FSHR: variants seen among roughly 807,000 people sequenced by gnomAD.
FSHR encodes the protein follicle stimulating hormone receptor.
In FSHR, 46 loss-of-function variants were observed where a neutral mutation model predicts 52.1. The ratio of observed to expected loss-of-function variants is 0.88; its 90% CI spans 0.70 to 1.13. FSHR has a LOEUF of 1.13. Among genes scored for constraint, FSHR ranks in the 50% most tolerant of loss-of-function variants. The pLI is 0.00. For missense variants in FSHR, 964 were observed against 834.6 expected (o/e 1.16, Z -1.91); for synonymous variants, 399 against 309.6 (o/e 1.29, Z -3.03).
chr2:49,094,670 C>T (rs1454891378), intron 1 of FSHR, among the ~76,000 whole-genome samples: 3 of 151,924 alleles, frequency 2.0e-5, no homozygotes, highest in African/African-American at 4.8e-5. Context: ...TCAGAGAGAG[C>T]AGTGCTTTGA....
chr2:48,967,731 G>A (rs1050773014), intron 9 of FSHR, among the ~76,000 whole-genome samples: 3 of 152,172 alleles, frequency 2.0e-5, no homozygotes, highest in Non-Finnish European at 4.4e-5. Context: ...CTGTTTTGTT[G>A]CTCTTTTTGT....
chr2:49,049,335 A>T (rs555077046), intron 2 of FSHR, among the ~76,000 whole-genome samples: 3 of 152,316 alleles, frequency 2.0e-5, no homozygotes, highest in Admixed American at 1.3e-4. Context: ...GATAGATAAG[A>T]TGACCTCACT....
intron 1 of FSHR, among the ~76,000 whole-genome samples, chr2:49,136,143 A>G (rs918203903): frequency 6.6e-6 from 1 of 152,168 alleles, no homozygotes; most frequent in Admixed American, 6.5e-5. Flanking sequence ...AAGAAAAGAT[A>G]GTAGACTCAA....
At chr2:49,079,173 A>C (rs1490312628) in intron 1 of FSHR, among the ~76,000 whole-genome samples, 1 of 151,996 alleles carries the variant, frequency 6.6e-6, no homozygotes, top group Non-Finnish European at 1.5e-5. Flanking sequence ...TAGTCTAAGA[A>C]AAAAACAGGC....
At position 49,117,833 on chromosome 2, in the gene FSHR, C is replaced by T. The variant is rs77613684; in HGVS notation, c.152+36433G>A. 9.8e-3 allele frequency among the ~76,000 whole-genome samples: 1,490 copies of T among 152,274 alleles called. 28 individuals are homozygous for T. Among genetic ancestry groups the T allele is most frequent in the African/African-American group, 0.034 (1,420 of 41,556 alleles). On this transcript the variant is annotated intron_variant, in intron 1 of 9. Transcript: ENST00000406846. Reference sequence around the variant, plus strand: ...AATTGTTTCACTGAGATCATGTTATCATTTGTATGTACCTCCATAAGCTCG... The same window carrying T: ...AATTGTTTCACTGAGATCATGTTATTATTTGTATGTACCTCCATAAGCTCG...
At chr2:49,060,487 C>T (rs1325685371) in intron 2 of FSHR, among the ~76,000 whole-genome samples, 1 of 152,122 alleles carries the variant, frequency 6.6e-6, no homozygotes, top group South Asian at 2.1e-4. Context: ...GTCACACACC[C>T]CAGTACCTAA....
intron 1 of FSHR, among the ~76,000 whole-genome samples, chr2:49,144,635 T>A (rs1465694160): frequency 6.6e-6 from 1 of 152,180 alleles, no homozygotes; most frequent in Non-Finnish European, 1.5e-5. Flanking sequence ...TCTAATGTCC[T>A]CTCCAATGTA....
chr2:48,996,625 A>T (rs943345852), intron 4 of FSHR, among the ~76,000 whole-genome samples: 2 of 152,098 alleles, frequency 1.3e-5, no homozygotes, highest in African/African-American at 4.8e-5. Context: ...AAGCACAAAT[A>T]TGGGGATAAA....
chr2:49,094,051 TTACTC>T (rs1165489375), intron 1 of FSHR, among the ~76,000 whole-genome samples: 3 of 152,226 alleles, frequency 2.0e-5, no homozygotes, highest in African/African-American at 7.2e-5. Flanking sequence ...TCCTGTTTGT[TTACTC>T]TATATTTCAT....
intron 1 of FSHR, among the ~76,000 whole-genome samples, chr2:49,100,738 T>C (rs1670996520): frequency 6.6e-6 from 1 of 152,228 alleles, no homozygotes; most frequent in African/African-American, 2.4e-5. Context: ...AAGAAGAATG[T>C]AGCACTATCA....
chr2:49,043,675 G>A (rs1012028665), intron 2 of FSHR, among the ~76,000 whole-genome samples: 1 of 152,110 alleles, frequency 6.6e-6, no homozygotes, highest in Non-Finnish European at 1.5e-5. Flanking sequence ...CAAATGTTCC[G>A]ATGAATTCAG....
At chr2:48,968,516 A>G (rs1674581312) in intron 9 of FSHR, among the ~76,000 whole-genome samples, 182 bp downstream of exon 9, 1 of 152,252 alleles carries the variant, frequency 6.6e-6, no homozygotes, top group Non-Finnish European at 1.5e-5. Flanking sequence ...TTTCAAAGAA[A>G]TGAAAGAGTT....
At chr2:48,991,455 G>C (rs747207023) in intron 4 of FSHR, among the ~76,000 whole-genome samples, 3 of 152,156 alleles carry the variant, frequency 2.0e-5, no homozygotes, top group Non-Finnish European at 4.4e-5. Context: ...GGAGAGTAGT[G>C]GGGGAAGGAT....
Position 48,963,931 on chromosome 2 carries a change from A to G in FSHR, c.890T>C (p.Leu297Ser). The change falls in exon 10 of 10, where the codon TTA (leucine) becomes TCA (serine). Residue 297 changes from leucine (L) to serine (S), a missense_variant. Coordinates refer to ENST00000406846, the MANE Select transcript of FSHR (RefSeq NM_000145.4). Reference sequence around the variant, plus strand: ...AGTCATATAATCAACTTCTTGCCTTAAAATAGATTTGTTGCAAATTGGATG... The same window carrying G: ...AGTCATATAATCAACTTCTTGCCTTGAAATAGATTTGTTGCAAATTGGATG... ...ELHPICNKSI[L>S]RQEVDYMTQA... 1 of 1,613,814 alleles carries G rather than the reference A, an allele frequency of 6.2e-7. No individual in the cohort carries two copies. Among genetic ancestry groups the G allele is most frequent in the Non-Finnish European group, 8.5e-7 (1 of 1,179,890 alleles).
At chr2:49,114,985 T>C (rs914331687) in intron 1 of FSHR, among the ~76,000 whole-genome samples, 3 of 151,814 alleles carry the variant, frequency 2.0e-5, no homozygotes, top group African/African-American at 7.3e-5. Context: ...TTAAACCATT[T>C]GGTTGAAAAG....
intron 4 of FSHR, among the ~76,000 whole-genome samples, chr2:48,997,838 A>C (rs1048972591): frequency 2.6e-5 from 4 of 152,056 alleles, no homozygotes; most frequent in Admixed American, 2.6e-4. Context: ...GACTTATATG[A>C]CACTTCAGTA....
intron 4 of FSHR, among the ~76,000 whole-genome samples, chr2:49,009,449 G>A (rs1272306867): frequency 2.0e-5 from 3 of 150,256 alleles, no homozygotes; most frequent in Non-Finnish European, 4.4e-5. Context: ...ATAGTTTGAA[G>A]TCAGGTAGTG....
intron 2 of FSHR, among the ~76,000 whole-genome samples, chr2:49,031,244 G>T (rs2104255600): frequency 6.6e-6 from 1 of 152,316 alleles, no homozygotes; most frequent in Admixed American, 6.5e-5. Context: ...AGCAGCTTCT[G>T]AAGGGGTCCT....
intron 1 of FSHR, among the ~76,000 whole-genome samples, chr2:49,124,690 C>G (rs1462737849): frequency 6.6e-6 from 1 of 152,200 alleles, no homozygotes; most frequent in Non-Finnish European, 1.5e-5. Flanking sequence ...TTCTCATCAC[C>G]TTCTCTGTTA....
Sources: allele counts gnomAD v4.1 joint callset (sites outside exome capture counted in the v4.1 genomes callset), GRCh38; gene constraint gnomAD v4.1.1; transcripts MANE v1.5; gene names NCBI Gene and HGNC (gene_info 2026-07-23, HGNC 2026-07-21).